Variants in FUT1 observed in about 807,000 individuals in gnomAD.
FUT1 encodes the protein fucosyltransferase 1 (H blood group), also known as galactoside alpha-(1,2)-fucosyltransferase 1.
For missense variants in FUT1, 476 were observed against 492.7 expected, an observed-to-expected ratio of 0.97 and a Z score of 0.32; for synonymous variants, 215 against 208.7, an observed-to-expected ratio of 1.03 and a Z score of -0.26.
chr19:48,753,097 G>T (rs891794193), upstream of FUT1: 9 of 170,874 alleles, frequency 5.3e-5, no homozygotes, highest in Admixed American at 4.6e-4. Flanking sequence ...CGAGTGGAGC[G>T]ATCGTCCGCC....
chr19:48,750,610 ATAG>A lies in FUT1; in HGVS notation c.669_671del (p.Tyr224del), dbSNP rs1383604580. 1.9e-6 allele frequency: 3 copies of A among 1,611,468 alleles called. No individual in the cohort carries two copies. Among genetic ancestry groups the A allele is most frequent in the Non-Finnish European group, 2.5e-6 (3 of 1,179,952 alleles). Reference sequence around the variant, plus strand: ...TCCAGCGCTGAGGCATAACCTGCAGATAGTCCCCACGGCGCACGTGGACGCCGA... The same window carrying A: ...TCCAGCGCTGAGGCATAACCTGCAGATCCCCACGGCGCACGTGGACGCCGA... On this transcript the variant is annotated inframe_deletion, in exon 2 of 2. Transcript: ENST00000645652.
At position 48,750,616 on chromosome 19, in the gene FUT1, C is replaced by A; in HGVS notation, c.666G>T (p.Gly222=). The A allele has an allele frequency of 6.2e-7, 1 of 1,611,494 alleles. No homozygotes were observed. ...RTFVGVHVRR[G]DYLQVMPQRW... is the part of the protein sequence containing the mutation. ...GCTGAGGCATAACCTGCAGATAGTC[C>A]CCACGGCGCACGTGGACGCCGACAA... The change falls in exon 2 of 2, where the codon GGG becomes GGT. Residue 222 remains glycine (G), a synonymous_variant. Coordinates refer to ENST00000645652, the MANE Select transcript of FUT1 (RefSeq NM_001384359.1).
In FUT1 at chr19:48,748,206, G is replaced by A. The variant is rs1008709274; in HGVS notation, c.*1978C>T. On this transcript the variant is annotated 3_prime_UTR_variant, in exon 2 of 2. Coordinates refer to ENST00000645652, the MANE Select transcript of FUT1 (RefSeq NM_001384359.1). ...CTTTCACCCTCCAAAAAACAGCAAGGGGCTCCTGAGATCTCGACAACCCCG... is the reference window on the plus strand; with the variant it reads ...CTTTCACCCTCCAAAAAACAGCAAGAGGCTCCTGAGATCTCGACAACCCCG... 6.6e-6 allele frequency: 1 copy of A among 152,312 alleles called. No homozygotes were observed. Among genetic ancestry groups the A allele is most frequent in the Non-Finnish European group, 1.5e-5 (1 of 68,080 alleles). 9.4% of individuals were successfully genotyped at this position (152,312 alleles called of 1,614,324 possible).
Position 48,749,935 on chromosome 19 carries a change from A to G in FUT1, c.*249T>C. On this transcript the variant is annotated 3_prime_UTR_variant, in exon 2 of 2. Transcript: ENST00000645652. ...ACTGTAGATATGGGCTGGGAAGAGCAGGTGGGCACTGTGGCTTCTAGAACT... is the reference window on the plus strand; with the variant it reads ...ACTGTAGATATGGGCTGGGAAGAGCGGGTGGGCACTGTGGCTTCTAGAACT... 1 of 547,480 alleles carries G rather than the reference A, an allele frequency of 1.8e-6. No homozygotes were observed. The highest frequency in any genetic ancestry group is 3.3e-6 in the Non-Finnish European group (1 of 305,596). 33.9% of individuals were successfully genotyped at this position (547,480 alleles called of 1,614,324 possible). A position where few individuals can be genotyped will look rare whatever the true frequency, so the allele number is the denominator to read the frequency against.
In FUT1 at chr19:48,750,965, T is replaced by C. The variant is rs763120566; in HGVS notation, c.317A>G (p.Asn106Ser). 8 of 1,602,812 alleles carry C rather than the reference T, an allele frequency of 5.0e-6. No homozygotes were observed. Among genetic ancestry groups the C allele is most frequent in the Non-Finnish European group, 6.8e-6 (8 of 1,173,238 alleles). ...YATLLALAQL[N>S]GRRAFILPAM... is the part of the protein sequence containing the mutation. ...AGGCAGGATAAAGGCCCGGCGGCCG[T>C]TGAGCTGGGCCAGAGCCAGCAGCGT... The change falls in exon 2 of 2, where the codon AAC becomes AGC. Residue 106 changes from asparagine to serine, a missense_variant. Physicochemically the swap from Asn to Ser is conservative, Grantham distance 46. Transcript: ENST00000645652.
upstream of FUT1, chr19:48,753,001 G>C: frequency 1.4e-6 from 1 of 720,502 alleles, no homozygotes; most frequent in Non-Finnish European, 1.7e-6. Flanking sequence ...TCCGGTGCCA[G>C]GGCTTAGAGT....
chr19:48,749,926 G>T lies in FUT1; in HGVS notation c.*258C>A. ...TCTGGAAGTACTGTAGATATGGGCT[G>T]GGAAGAGCAGGTGGGCACTGTGGCT... On this transcript the variant is annotated 3_prime_UTR_variant, in exon 2 of 2. Transcript: ENST00000645652. 2 of 533,012 alleles carry T rather than the reference G, an allele frequency of 3.8e-6. No individual in the cohort carries two copies. The highest frequency in any genetic ancestry group is 5.1e-4 in the Middle Eastern group (1 of 1,948). 33.0% of individuals were successfully genotyped at this position (533,012 alleles called of 1,614,324 possible). A position where few individuals can be genotyped will look rare whatever the true frequency, so the allele number is the denominator to read the frequency against.
Position 48,750,503 on chromosome 19 carries a change from A to G in FUT1, c.779T>C (p.Val260Ala), listed in dbSNP as rs770291377. 16 of 1,613,898 alleles carry G rather than the reference A, an allele frequency of 9.9e-6. No homozygotes were observed. The highest frequency in any genetic ancestry group is 3.3e-5 in the Admixed American group (2 of 60,006). Residue 260 changes from valine (V) to alanine (A), a missense_variant, in exon 2 of 2, where the codon GTC (valine) becomes GCC (alanine). Coordinates refer to ENST00000645652, the MANE Select transcript of FUT1 (RefSeq NM_001384359.1). Reference sequence around the variant, plus strand: ...ACACCACTCCATGCCGTTGCTGGTGACCACGAAAACGGGGGCTTCGTGCCG... The same window carrying G: ...ACACCACTCCATGCCGTTGCTGGTGGCCACGAAAACGGGGGCTTCGTGCCG... ...RARHEAPVFVVTSNGMEWCKE... is the reference protein window; with the variant it reads ...RARHEAPVFVATSNGMEWCKE...
Position 48,751,083 on chromosome 19 carries a change from A to C in FUT1, c.199T>G (p.Ser67Ala), listed in dbSNP as rs956478703. The change falls in exon 2 of 2, where the codon TCC becomes GCC. Residue 67 changes from serine to alanine, a missense_variant. By Grantham distance (99) the Ser-to-Ala change is moderately conservative (BLOSUM62 1). Coordinates refer to ENST00000645652, the MANE Select transcript of FUT1 (RefSeq NM_001384359.1). Reference protein sequence around the residue: ...LPGTAMGPNASSSCPQHPASL... With the variant: ...LPGTAMGPNAASSCPQHPASL... Reference sequence around the variant, plus strand: ...GCAGGGTGCTGGGGACAGGAAGAGGAGGCGTTGGGGCCCATCGCAGTACCC... The same window carrying C: ...GCAGGGTGCTGGGGACAGGAAGAGGCGGCGTTGGGGCCCATCGCAGTACCC... 1 of 1,610,260 alleles carries C rather than the reference A, an allele frequency of 6.2e-7. No individual in the cohort carries two copies. The highest frequency in any genetic ancestry group is 8.5e-7 in the Non-Finnish European group (1 of 1,177,252).
upstream of FUT1, chr19:48,753,087 C>CGAGTGGAG (rs2034030046): frequency 5.7e-6 from 1 of 174,908 alleles, no homozygotes; most frequent in South Asian, 1.9e-4. Context: ...CTGGTCCCGG[C>CGAGTGGAG]GAGTGGAGCG....
At chr19:48,754,874 C>T (rs2034063438), upstream of FUT1, among the ~76,000 whole-genome samples, 2 of 152,178 alleles carry the variant, frequency 1.3e-5, no homozygotes, top group East Asian at 1.9e-4. Flanking sequence ...TCCCCAGGCT[C>T]GGGACTCCCA....
Position 48,752,624 on chromosome 19 carries a change from G to T in FUT1, c.-137C>A. 1.0e-6 allele frequency: 1 copy of T among 985,402 alleles called. No homozygotes were observed. The highest frequency in any genetic ancestry group is 1.2e-6 in the Non-Finnish European group (1 of 829,918). The allele number at this position is 985,402 out of a possible 1,614,324, so 61.0% of individuals were successfully genotyped here. On this transcript the variant is annotated 5_prime_UTR_variant, in exon 1 of 2. Transcript: ENST00000645652. This position sits in a 1 kb window ranked among gnomAD's most constrained non-coding sequence, Gnocchi z 4.3. ...ATCCGGCCCGGCAGCCCTCCCCTCC[G>T]CGCAGCCTGTCCGGACTGGCAGCGA... is the stretch of plus-strand genomic sequence containing the variant.
rs560671257 is a variant in FUT1 at position 48,748,590 on chromosome 19, C to T, written c.*1594G>A. 5 of 152,460 alleles carry T rather than the reference C, an allele frequency of 3.3e-5. No individual in the cohort carries two copies. The highest frequency in any genetic ancestry group is 1.2e-4 in the African/African-American group (5 of 41,580). The allele number at this position is 152,460 out of a possible 1,614,324, so 9.4% of individuals were successfully genotyped here. ...GTCCCTGGATCCCTGGAAAGTTCTG[C>T]TCCAGAAGCTGTACCATTTTGGCAG... On this transcript the variant is annotated 3_prime_UTR_variant, in exon 2 of 2. Transcript: ENST00000645652.
Position 48,752,594 on chromosome 19 carries a change from C to G in FUT1, c.-107G>C. On this transcript the variant is annotated 5_prime_UTR_variant, in exon 1 of 2. Coordinates refer to ENST00000645652, the MANE Select transcript of FUT1 (RefSeq NM_001384359.1). This position sits in a 1 kb window ranked among gnomAD's most constrained non-coding sequence, Gnocchi z 4.3. The stretch of plus-strand genomic sequence containing the variant: ...GGCCGCCCCTGGAACGCCAGGCGTC[C>G]GGCTATCCGGCCCGGCAGCCCTCCC... 1.0e-6 allele frequency: 1 copy of G among 985,460 alleles called. No individual in the cohort carries two copies. Among genetic ancestry groups the G allele is most frequent in the Non-Finnish European group, 1.2e-6 (1 of 829,928 alleles). 61.0% of individuals were successfully genotyped at this position (985,460 alleles called of 1,614,324 possible).
At chr19:48,753,497 A>C (rs926038315), upstream of FUT1, 7 of 152,408 alleles carry the variant, frequency 4.6e-5, no homozygotes, top group African/African-American at 1.7e-4. Context: ...CAGCATCGCC[A>C]ACCCCGAGCA....
Position 48,751,393 on chromosome 19 carries a change from G to A in FUT1, c.-2-110C>T. 2.6e-6 allele frequency: 3 copies of A among 1,156,292 alleles called. 1 individual carries two copies. Among genetic ancestry groups the A allele is most frequent in the South Asian group, 2.7e-5 (2 of 75,404 alleles). 71.6% of individuals were successfully genotyped at this position (1,156,292 alleles called of 1,614,324 possible). A position where few individuals can be genotyped will look rare whatever the true frequency, so the allele number is the denominator to read the frequency against. On this transcript the variant is annotated intron_variant, in intron 1 of 1. Coordinates refer to ENST00000645652, the MANE Select transcript of FUT1 (RefSeq NM_001384359.1). ...TGGGGTGCAGCACTCCTTAGTCCCA[G>A]GGAAAGAGGAAGTTAAAGGTTTAGA...
chr19:48,750,596 G>A lies in FUT1; in HGVS notation c.686C>T (p.Pro229Leu). Residue 229 changes from proline to leucine, a missense_variant, in exon 2 of 2, where the codon CCT (proline) becomes CTT (leucine). By Grantham distance (98) the Pro-to-Leu change is moderately conservative. Transcript: ENST00000645652. The stretch of plus-strand genomic sequence containing the variant: ...GCCCACCACACCCTTCCAGCGCTGA[G>A]GCATAACCTGCAGATAGTCCCCACG... ...VRRGDYLQVM[P>L]QRWKGVVGDS... The A allele has an allele frequency of 6.2e-7, 1 of 1,611,294 alleles. No individual in the cohort carries two copies. The highest frequency in any genetic ancestry group is 8.5e-7 in the Non-Finnish European group (1 of 1,179,996).
In FUT1 at chr19:48,750,987, G is replaced by A. The variant is rs2033992206; in HGVS notation, c.295C>T (p.Leu99=). The change falls in exon 2 of 2, where the codon CTG becomes TTG. Residue 99 remains leucine (L), a synonymous_variant. Transcript: ENST00000645652. ...CCGTTGAGCTGGGCCAGAGCCAGCAGCGTGGCATACTGTCCCATCTGATTA... is the reference window on the plus strand; with the variant it reads ...CCGTTGAGCTGGGCCAGAGCCAGCAACGTGGCATACTGTCCCATCTGATTA... ...FGNQMGQYAT[L]LALAQLNGRR... is the part of the protein sequence containing the mutation. The A allele has an allele frequency of 6.3e-7, 1 of 1,596,752 alleles. No individual in the cohort carries two copies. The highest frequency in any genetic ancestry group is 2.2e-5 in the East Asian group (1 of 44,716).
chr19:48,750,475 TTTACACCAC>T lies in FUT1; in HGVS notation c.798_806del (p.Trp267_Lys269del). 1 of 1,614,204 alleles carries T rather than the reference TTTACACCAC, an allele frequency of 6.2e-7. No individual in the cohort carries two copies. Among genetic ancestry groups the T allele is most frequent in the Non-Finnish European group, 8.5e-7 (1 of 1,180,032 alleles). On this transcript the variant is annotated inframe_deletion, in exon 2 of 2. Transcript: ENST00000645652. ...CGCCCTGGGAGGTGTCGATGTTTTC[TTTACACCAC>T]TCCATGCCGTTGCTGGTGACCACGA...
Sources: gnomAD v4.1 joint callset for allele counts (sites outside exome capture counted in the v4.1 genomes callset) on GRCh38, gnomAD v4.1.1 for gene constraint, Gnocchi (gnomAD v3.1) non-coding constraint, MANE v1.5 for transcripts, NCBI Gene and HGNC (gene_info 2026-07-23, HGNC 2026-07-21) for gene names.